Variants in SH3PXD2A observed in about 807,000 individuals in gnomAD.
SH3PXD2A encodes SH3 and PX domains 2A, also known as SH3 and PX domain-containing protein 2A.
SH3PXD2A carries 32 observed loss-of-function variants against 115.2 expected under a neutral mutation model. That is an observed-to-expected ratio of 0.28 (90% CI 0.21 to 0.37). The LOEUF (loss-of-function observed/expected upper bound fraction) is 0.37. Ranked by LOEUF, SH3PXD2A falls within the 10% of genes least tolerant of loss-of-function variation. The pLI, the probability that SH3PXD2A is intolerant of heterozygous loss-of-function variation, is 1.00. For synonymous variants in SH3PXD2A, 610 were observed against 629.1 expected (o/e 0.97, Z 0.45); for missense variants, 1,328 against 1,498.7 (o/e 0.89, Z 1.88).
intron 8 of SH3PXD2A, among the ~76,000 whole-genome samples, chr10:103,642,600 A>T (rs1226576911): frequency 6.6e-6 from 1 of 152,176 alleles, no homozygotes; most frequent in Non-Finnish European, 1.5e-5. Context: ...TTAAGTTCTC[A>T]TTGGTGAGAT....
chr10:103,837,050 G>C (rs1185221602), intron 1 of SH3PXD2A, among the ~76,000 whole-genome samples: 1 of 152,180 alleles, frequency 6.6e-6, no homozygotes, highest in African/African-American at 2.4e-5. Flanking sequence ...GTCTACATAA[G>C]GCCGGGTTCC....
chr10:103,813,429 C>T (rs984830267), intron 1 of SH3PXD2A, among the ~76,000 whole-genome samples: 5 of 152,234 alleles, frequency 3.3e-5, no homozygotes, highest in South Asian at 2.1e-4. Flanking sequence ...AAGTCCTCCC[C>T]GCTCAGCCTC....
intron 3 of SH3PXD2A, chr10:103,755,095 T>C (rs1323161274): frequency 6.6e-6 from 1 of 152,214 alleles, no homozygotes; most frequent in African/African-American, 2.4e-5. Flanking sequence ...ACTGCTGATC[T>C]GAGGACCACA....
rs1821795531 is a variant in SH3PXD2A, at chr10:103,597,207, T to G, written c.*4609A>C. On this transcript the variant is annotated 3_prime_UTR_variant, in exon 15 of 15. Transcript: ENST00000369774. ...GCAGCCCAGGCTCAGCCCCAGGCCC[T>G]GCTGCAGGCTTGTGGGAATTGGTGT... The G allele has an allele frequency of 6.5e-6, 1 of 152,708 alleles. No individual in the cohort carries two copies. Among genetic ancestry groups the G allele is most frequent in the South Asian group, 2.1e-4 (1 of 4,828 alleles). 9.5% of individuals were successfully genotyped at this position (152,708 alleles called of 1,614,324 possible).
At chr10:103,677,089 T>A (rs1017444989) in intron 6 of SH3PXD2A, among the ~76,000 whole-genome samples, 1 of 152,068 alleles carries the variant, frequency 6.6e-6, no homozygotes, top group African/African-American at 2.4e-5. Flanking sequence ...CGCGAGTGAG[T>A]GATGGAGTCA....
chr10:103,835,633 G>T lies in SH3PXD2A; in HGVS notation c.72+19562C>A, dbSNP rs558582184. Among the ~76,000 whole-genome samples, 4 of 152,210 alleles carry T rather than the reference G, an allele frequency of 2.6e-5. No individual in the cohort carries two copies. In the South Asian group the frequency reaches 8.3e-4, roughly 32 times the overall value. On this transcript the variant is annotated intron_variant, in intron 1 of 14. Transcript: ENST00000369774. ...AGTCTCTTCTCCTGGAGGCCCAGGG[G>T]GGTGAACTCAAGGACGTCCTGGTCT...
Position 103,601,659 on chromosome 10 carries a change from CAG to C in SH3PXD2A, c.*155_*156del, listed in dbSNP as rs1489794582. On this transcript the variant is annotated 3_prime_UTR_variant, in exon 15 of 15. Transcript: ENST00000369774. The stretch of plus-strand genomic sequence containing the variant: ...CCTTCCAGCTGTGGGATGGCTTGGA[CAG>C]GGGGCATCTTTGAGGTCACCCATTC... 1 of 572,884 alleles carries C rather than the reference CAG, an allele frequency of 1.7e-6. No individual in the cohort carries two copies. Among genetic ancestry groups the C allele is most frequent in the African/African-American group, 1.9e-5 (1 of 54,016 alleles). The allele number at this position is 572,884 out of a possible 1,614,324, so 35.5% of individuals were successfully genotyped here.
chr10:103,692,901 C>G (rs895043980), intron 6 of SH3PXD2A, 127 bp downstream of exon 6: 6 of 769,196 alleles, frequency 7.8e-6, no homozygotes, highest in African/African-American at 1.8e-5. Flanking sequence ...CCCGGCAGGA[C>G]CCGTAGGCTG....
At chr10:103,795,666 C>T (rs1249530165) in intron 2 of SH3PXD2A, among the ~76,000 whole-genome samples, 1 of 152,210 alleles carries the variant, frequency 6.6e-6, no homozygotes, top group Non-Finnish European at 1.5e-5. Context: ...TGGCACCTTC[C>T]TTTGTTACAT....
rs1001203292 is a variant in SH3PXD2A, at chr10:103,662,486, G to A, written c.473-1372C>T. Among the ~76,000 whole-genome samples, 4 of 130,674 alleles carry A rather than the reference G, an allele frequency of 3.1e-5. No individual in the cohort carries two copies. The Admixed American group carries it at 3.7e-4, about 12-fold the overall frequency. The allele number at this position is 130,674 out of a possible 152,430, so 85.7% of individuals were successfully genotyped here. A position where few individuals can be genotyped will look rare whatever the true frequency, so the allele number is the denominator to read the frequency against. ...GCAATCTCAGCTCACTGCAAGCTCC[G>A]CTTCCCGGGTTCACGCCATTCTCCT... On this transcript the variant is annotated intron_variant, in intron 7 of 14. Coordinates refer to ENST00000369774, the MANE Select transcript of SH3PXD2A (RefSeq NM_001394015.1).
chr10:103,778,078 C>T (rs2038897201), intron 2 of SH3PXD2A, among the ~76,000 whole-genome samples: 1 of 152,112 alleles, frequency 6.6e-6, no homozygotes, highest in Admixed American at 6.6e-5. Context: ...GCCTGTAATC[C>T]CAGCACTTTG....
At chr10:103,852,617 G>T (rs1842906766) in intron 1 of SH3PXD2A, among the ~76,000 whole-genome samples, 1 of 152,150 alleles carries the variant, frequency 6.6e-6, no homozygotes, top group Non-Finnish European at 1.5e-5. Flanking sequence ...ACACCAGAGG[G>T]CCTTACTCAC....
chr10:103,825,081 C>T (rs2039416848), intron 1 of SH3PXD2A, among the ~76,000 whole-genome samples: 1 of 152,228 alleles, frequency 6.6e-6, no homozygotes, highest in Admixed American at 6.5e-5. Flanking sequence ...AGCCATTGTG[C>T]CCAGCCTCTC....
chr10:103,672,904 T>C (rs1195693831), intron 6 of SH3PXD2A, among the ~76,000 whole-genome samples: 1 of 152,186 alleles, frequency 6.6e-6, no homozygotes, highest in Non-Finnish European at 1.5e-5. Flanking sequence ...CTGTCCGTCC[T>C]GGCATTGCTC....
At chr10:103,832,487 A>G (rs1345110583) in intron 1 of SH3PXD2A, among the ~76,000 whole-genome samples, 1 of 152,200 alleles carries the variant, frequency 6.6e-6, no homozygotes, top group Non-Finnish European at 1.5e-5. Flanking sequence ...ACAATAGCAA[A>G]GACTTGGAAC....
intron 3 of SH3PXD2A, chr10:103,736,651 A>C: frequency 4.3e-6 from 3 of 689,882 alleles, no homozygotes; most frequent in Non-Finnish European, 6.7e-6. Flanking sequence ...AGCTGGGAGT[A>C]ATGTCCCTCT....
At chr10:103,704,024 A>G (rs913204390) in intron 5 of SH3PXD2A, among the ~76,000 whole-genome samples, 2 of 152,346 alleles carry the variant, frequency 1.3e-5, no homozygotes, top group African/African-American at 4.8e-5. Flanking sequence ...TAATACACAT[A>G]AAGTCCCCCG....
intron 8 of SH3PXD2A, among the ~76,000 whole-genome samples, chr10:103,641,330 A>T (rs1294051728): frequency 6.6e-6 from 1 of 152,076 alleles, no homozygotes; most frequent in African/African-American, 2.4e-5. Flanking sequence ...GGCAGTGAGG[A>T]TGAGAAAGGA....
At position 103,602,914 on chromosome 10, in the gene SH3PXD2A, C is replaced by T; in HGVS notation, c.2304G>A (p.Gln768=). ...PKPFLNRAES[Q]SQEKMDISTL... is the part of the protein sequence containing the mutation. ...TGCTGATGTCCATCTTCTCTTGGCT[C>T]TGCGACTCTGCTCGGTTTAGGAATG... is the stretch of plus-strand genomic sequence containing the variant. Residue 768 remains glutamine, a synonymous_variant, in exon 15 of 15, where the codon CAG becomes CAA. Transcript: ENST00000369774. 1.2e-6 allele frequency: 2 copies of T among 1,614,198 alleles called. No homozygotes were observed. Among genetic ancestry groups the T allele is most frequent in the Non-Finnish European group, 1.7e-6 (2 of 1,180,026 alleles).
Sources: gnomAD v4.1 joint callset for allele counts (sites outside exome capture counted in the v4.1 genomes callset) on GRCh38, gnomAD v4.1.1 for gene constraint, MANE v1.5 for transcripts, NCBI Gene and HGNC (gene_info 2026-07-23, HGNC 2026-07-21) for gene names.